FGD1: variants seen among roughly 807,000 people sequenced by gnomAD.
FGD1 encodes FYVE, RhoGEF and PH domain containing 1.
In FGD1, 12 loss-of-function variants were observed where a neutral mutation model predicts 65.0. That is an observed-to-expected ratio of 0.18 (90% CI 0.12 to 0.30). The LOEUF (loss-of-function observed/expected upper bound fraction) is 0.30. Ranked by LOEUF, FGD1 falls within the 10% of genes least tolerant of loss-of-function variation. The probability of loss-of-function intolerance (pLI) is 1.00; values close to 1 mark genes in which losing one functional copy is unlikely to be tolerated. For synonymous variants in FGD1, 333 were observed against 343.9 expected, an observed-to-expected ratio of 0.97 and a Z score of 0.35; for missense variants, 542 against 837.6, an observed-to-expected ratio of 0.65 and a Z score of 4.36.
rs1477561418 is a variant in FGD1, at chrX:54,468,801, G to A, written c.1177C>T (p.His393Tyr). Residue 393 changes from histidine to tyrosine, a missense_variant, in exon 5 of 18, where the codon CAT becomes TAT. His to Tyr is a moderately conservative substitution (Grantham distance 83). Transcript: ENST00000375135. ...QTEKAYVSRL[H>Y]LLDQVFCARL... ...GGGCCACTCACCTGATCCAGGAGAT[G>A]GAGCCTGGAAACGTAGGCCTTCTCA... is the stretch of plus-strand genomic sequence containing the variant. The A allele has an allele frequency of 8.3e-7, 1 of 1,204,779 alleles. No individual in the cohort carries two copies. Among genetic ancestry groups the A allele is most frequent in the East Asian group, 3.0e-5 (1 of 33,807 alleles).
At chrX:54,455,647 A>G (rs1369758844) in intron 11 of FGD1, 45 bp downstream of exon 11, 3 of 1,118,833 alleles carry the variant, frequency 2.7e-6, no homozygotes, top group South Asian at 3.8e-5. Flanking sequence ...TCCCAACACC[A>G]ATGCCCCACT....
At chrX:54,466,116 C>T (rs1417626693) in intron 6 of FGD1, among the ~76,000 whole-genome samples, 1 of 111,967 alleles carries the variant, frequency 8.9e-6, no homozygotes, top group Non-Finnish European at 1.9e-5. Context: ...ACCCTGAGAC[C>T]TTACTGCCAG....
intron 1 of FGD1, among the ~76,000 whole-genome samples, chrX:54,488,363 A>G (rs1312093320): frequency 7.9e-5 from 8 of 101,435 alleles, no homozygotes; most frequent in African/African-American, 2.5e-4. Context: ...AGGCGGGTGG[A>G]TCACGAGGTC....
At chrX:54,490,907 A>G (rs1319301629) in intron 1 of FGD1, among the ~76,000 whole-genome samples, 9 of 110,636 alleles carry the variant, frequency 8.1e-5, no homozygotes, top group Admixed American at 6.8e-4. Flanking sequence ...CTCTAACTCA[A>G]GCTATCACCT....
intron 4 of FGD1, among the ~76,000 whole-genome samples, chrX:54,469,700 G>A (rs1441094435): frequency 8.9e-6 from 1 of 111,795 alleles, no homozygotes; most frequent in East Asian, 2.8e-4. Flanking sequence ...TAGGCTGCCC[G>A]GGCACAGAAA....
At position 54,488,516 on chromosome X, in the gene FGD1, C is replaced by T. The variant is rs760128628; in HGVS notation, c.307+6610G>A. On this transcript the variant is annotated intron_variant, in intron 1 of 17. Transcript: ENST00000375135. ...AGGAGAATTGCTTGAACCCGGGAGG[C>T]GGAGCTTGCAGTGAGCCAAGATCAC... Among the ~76,000 whole-genome samples the T allele has an allele frequency of 2.3e-4, 24 of 102,224 alleles. 1 individual carries two copies. Among genetic ancestry groups the T allele is most frequent in the South Asian group, 9.1e-4 (2 of 2,188 alleles). The allele number at this position is 102,224 out of a possible 115,157, so 88.8% of individuals were successfully genotyped here.
chrX:54,478,757 C>A (rs1045573252), intron 1 of FGD1, among the ~76,000 whole-genome samples: 8 of 103,302 alleles, frequency 7.7e-5, no homozygotes, highest in Admixed American at 5.4e-4. Context: ...TGAAAACCAA[C>A]AGAATCACAC....
At chrX:54,472,333 T>A (rs1322982170) in intron 1 of FGD1, among the ~76,000 whole-genome samples, 3 of 109,144 alleles carry the variant, frequency 2.7e-5, no homozygotes, top group Non-Finnish European at 3.8e-5. Context: ...TTCTCAGCAA[T>A]CTGTACTACC....
At chrX:54,447,013 T>G (rs1466109896) in intron 17 of FGD1, among the ~76,000 whole-genome samples, 1 of 111,462 alleles carries the variant, frequency 9.0e-6, no homozygotes, top group Non-Finnish European at 1.9e-5. Flanking sequence ...CGTGAGCCAC[T>G]GCGCTCGGTC....
chrX:54,448,207 C>T (rs1389470640), intron 16 of FGD1, among the ~76,000 whole-genome samples: 3 of 101,284 alleles, frequency 3.0e-5, no homozygotes, highest in African/African-American at 7.3e-5. Flanking sequence ...TTTTTTGAGA[C>T]GGAGTTTTGC....
intron 1 of FGD1, among the ~76,000 whole-genome samples, chrX:54,481,004 A>G (rs1476266014): frequency 8.9e-6 from 1 of 111,950 alleles, no homozygotes; most frequent in Non-Finnish European, 1.9e-5. Context: ...ACTGTGGGCA[A>G]GCCAAATGAA....
At chrX:54,454,171 G>A (rs1922441124) in intron 12 of FGD1, among the ~76,000 whole-genome samples, 1 of 111,137 alleles carries the variant, frequency 9.0e-6, no homozygotes, top group Non-Finnish European at 1.9e-5. Context: ...ATTGTTGTGC[G>A]ACTATCAGAG....
chrX:54,492,242 T>C (rs1480591239), intron 1 of FGD1, among the ~76,000 whole-genome samples: 1 of 111,646 alleles, frequency 9.0e-6, no homozygotes, highest in African/African-American at 3.3e-5. Flanking sequence ...AGAAAGCACT[T>C]TGAAGCAATT....
chrX:54,469,393 ACAT>A (rs1251937721), intron 4 of FGD1, among the ~76,000 whole-genome samples: 1 of 112,497 alleles, frequency 8.9e-6, no homozygotes, highest in Non-Finnish European at 1.9e-5. Context: ...TAAATAAAAC[ACAT>A]CAGACTACAG....
intron 1 of FGD1, among the ~76,000 whole-genome samples, chrX:54,482,109 C>A (rs764760255): frequency 9.0e-6 from 1 of 111,712 alleles, no homozygotes; most frequent in South Asian, 3.7e-4. Flanking sequence ...ACATACAGAC[C>A]CAGAGACACA....
rs1390978686 is a variant in FGD1, at chrX:54,470,416, G to A, written c.701C>T (p.Pro234Leu). 8.3e-7 allele frequency: 1 copy of A among 1,206,475 alleles called. No individual in the cohort carries two copies. The highest frequency in any genetic ancestry group is 1.8e-5 in the African/African-American group (1 of 57,081). The change falls in exon 4 of 18, where the codon CCC becomes CTC. Residue 234 changes from proline (P) to leucine (L), a missense_variant. This residue lies in a region of FGD1 where 297 missense variants were observed against 326.8 expected (regional missense o/e 0.91). Coordinates refer to ENST00000375135, the MANE Select transcript of FGD1 (RefSeq NM_004463.3). ...IVASDRPVPG[P>L]SPGPPEPVML... ...GACTGGCTCTGGGGGACCTGGGCTG[G>A]GGCCAGGGACTGGTCTATCCGAGGC...
rs1300732120 is a variant in FGD1 at position 54,473,898 on chromosome X, C to T, written c.308-2411G>A. On this transcript the variant is annotated intron_variant, in intron 1 of 17. Transcript: ENST00000375135. ...ACTCGGGAGGCTGAGGCAGGAGAAT[C>T]GCTAGAACCAGGGAGGTGGAGGTTG... 8.1e-5 allele frequency among the ~76,000 whole-genome samples: 9 copies of T among 110,578 alleles called. No homozygotes were observed. In the South Asian group the frequency reaches 1.6e-3, roughly 19 times the overall value.
Position 54,468,841 on chromosome X carries a change from A to G in FGD1, c.1137T>C (p.Asn379=), listed in dbSNP as rs1388349026. 2.5e-6 allele frequency: 3 copies of G among 1,208,476 alleles called. No individual in the cohort carries two copies. In the South Asian group the frequency reaches 5.3e-5, roughly 21 times the overall value. The change falls in exon 5 of 18, where the codon AAT becomes AAC. Residue 379 remains asparagine (N), a synonymous_variant. Coordinates refer to ENST00000375135, the MANE Select transcript of FGD1 (RefSeq NM_004463.3). ...TVQQKVFHIA[N]ELLQTEKAYV... is the part of the protein sequence containing the mutation. ...AGGCCTTCTCAGTTTGCAGGAGCTC[A>G]TTGGCAATGTGAAACACCTTTTGCT...
intron 8 of FGD1, among the ~76,000 whole-genome samples, chrX:54,461,616 A>G (rs1400937385): frequency 9.4e-6 from 1 of 106,224 alleles, no homozygotes; most frequent in Non-Finnish European, 1.9e-5. Flanking sequence ...AAAAAAAAAA[A>G]AAAAAAAAAA....
Sources: gnomAD v4.1 joint callset for allele counts (sites outside exome capture counted in the v4.1 genomes callset) on GRCh38, gnomAD v4.1.1 for gene constraint, gnomAD v4.1.1 regional missense constraint, MANE v1.5 for transcripts, NCBI Gene and HGNC (gene_info 2026-07-23, HGNC 2026-07-21) for gene names.